The following PIH1D1 variants were observed in gnomAD, a reference collection of about 807,000 sequenced individuals.
PIH1D1 encodes PIH1 domain-containing protein 1.
Under a neutral mutation model 38.5 loss-of-function variants are expected in PIH1D1, and 28 were observed. The ratio of observed to expected loss-of-function variants is 0.73; its 90% CI spans 0.54 to 1.00. The LOEUF is 1.00. Ranked by LOEUF, PIH1D1 falls within the 50% of genes least tolerant of loss-of-function variation. The probability of loss-of-function intolerance (pLI) is 0.00; values close to 1 mark genes in which losing one functional copy is unlikely to be tolerated. For missense variants in PIH1D1, 343 were observed against 369.9 expected, an observed-to-expected ratio of 0.93 and a Z score of 0.60; for synonymous variants, 155 against 153.5, an observed-to-expected ratio of 1.01 and a Z score of -0.07.
At chr19:49,449,307 G>A (rs998576080) in intron 3 of PIH1D1, 168 bp downstream of exon 3, 11 of 743,170 alleles carry the variant, frequency 1.5e-5, no homozygotes, top group African/African-American at 6.9e-5. Flanking sequence ...AGGACTGCCC[G>A]GGTGTGGGAT....
At position 49,451,741 on chromosome 19, in the gene PIH1D1, C is replaced by A. The variant is rs1169982007; in HGVS notation, c.-167G>T. ...GACTACATTTCCATTCAAGACCGAA[C>A]ACCATCGTCAAATCCGTGGGGAATA... On this transcript the variant is annotated 5_prime_UTR_variant, in exon 1 of 9. Transcript: ENST00000262265. 3.5e-6 allele frequency: 5 copies of A among 1,423,466 alleles called. No homozygotes were observed. The highest frequency in any genetic ancestry group is 4.6e-6 in the Non-Finnish European group (5 of 1,089,098). 88.2% of individuals were successfully genotyped at this position (1,423,466 alleles called of 1,614,324 possible). A position where few individuals can be genotyped will look rare whatever the true frequency, so the allele number is the denominator to read the frequency against.
Position 49,451,800 on chromosome 19 carries a change from T to A in PIH1D1, c.-226A>T. 1 of 1,322,966 alleles carries A rather than the reference T, an allele frequency of 7.6e-7. No individual in the cohort carries two copies. 82.0% of individuals were successfully genotyped at this position (1,322,966 alleles called of 1,614,324 possible). A position where few individuals can be genotyped will look rare whatever the true frequency, so the allele number is the denominator to read the frequency against. ...TAGACGCACTACCCTCCGTCCTACG[T>A]GCCGAACTGTAAACGAAGCCACACT... On this transcript the variant is annotated 5_prime_UTR_variant, in exon 1 of 9. Transcript: ENST00000262265.
Position 49,448,171 on chromosome 19 carries a change from G to A in PIH1D1, c.338-109C>T, listed in dbSNP as rs563925581. 125 of 1,126,118 alleles carry A rather than the reference G, an allele frequency of 1.1e-4. No homozygotes were observed. The African/African-American group carries it at 1.9e-3, about 17-fold the overall frequency. 69.8% of individuals were successfully genotyped at this position (1,126,118 alleles called of 1,614,324 possible). A position where few individuals can be genotyped will look rare whatever the true frequency, so the allele number is the denominator to read the frequency against. ...AGGGACAGCGGCCGTAAGAAGCAGA[G>A]AGAGACATAAGGAAGTGAGAGCTGG... is the stretch of plus-strand genomic sequence containing the variant. On this transcript the variant is annotated intron_variant, in intron 3 of 8. Transcript: ENST00000262265.
At chr19:49,448,155 G>A (rs1218497218) in intron 3 of PIH1D1, 93 bp from the exon 4 acceptor site, 13 of 1,277,670 alleles carry the variant, frequency 1.0e-5, no homozygotes, top group East Asian at 2.4e-5. Flanking sequence ...CAGGGACAGC[G>A]GCCGTAAGAA....
intron 3 of PIH1D1, 57 bp downstream of exon 3, chr19:49,449,418 T>G (rs1470666970): frequency 6.5e-7 from 1 of 1,547,854 alleles, no homozygotes; most frequent in South Asian, 1.1e-5. Flanking sequence ...GATTCTTGGG[T>G]TCTAGGGAAG....
At chr19:49,451,359 C>T in intron 1 of PIH1D1, 126 bp downstream of exon 1, 2 of 1,354,514 alleles carry the variant, frequency 1.5e-6, no homozygotes, top group South Asian at 2.6e-5. Context: ...AAACTTGAAG[C>T]CCATTAACCT....
intron 3 of PIH1D1, chr19:49,448,503 G>A (rs910026146): frequency 2.2e-5 from 5 of 228,150 alleles, no homozygotes; most frequent in South Asian, 5.7e-5. Flanking sequence ...GCTCTGGGCC[G>A]CTCTACCTAG....
intron 8 of PIH1D1, 50 bp downstream of exon 8, chr19:49,446,501 G>A: frequency 6.3e-7 from 1 of 1,596,602 alleles, no homozygotes; most frequent in Non-Finnish European, 8.6e-7. Flanking sequence ...GGGAGACAGA[G>A]TCCAGGCCCC....
chr19:49,447,381 G>A lies in PIH1D1; in HGVS notation c.568C>T (p.Leu190=). 6.2e-7 allele frequency: 1 copy of A among 1,613,842 alleles called. No individual in the cohort carries two copies. Residue 190 remains leucine (L), a synonymous_variant, in exon 6 of 9, where the codon CTG becomes TTG. Coordinates refer to ENST00000262265, the MANE Select transcript of PIH1D1 (RefSeq NM_017916.3). ...GGGGCGGGCGTGTACAGGTCCCCCA[G>A]CTCCTGGATCCGAGGACGCTGCTCC... The part of the protein sequence containing the change: ...RSEQRPRIQE[L]GDLYTPAPGR...
At chr19:49,448,717 T>A (rs1331489529) in intron 3 of PIH1D1, 1 of 163,322 alleles carries the variant, frequency 6.1e-6, no homozygotes, top group Non-Finnish European at 1.3e-5. Context: ...TGACAGCGAG[T>A]TTCTGGAACG....
At position 49,447,420 on chromosome 19, in the gene PIH1D1, G is replaced by C; in HGVS notation, c.529C>G (p.Gln177Glu). The change falls in exon 6 of 9, where the codon CAG becomes GAG. Residue 177 changes from glutamine (Q) to glutamate (E), a missense_variant. Gln to Glu is a conservative substitution (Grantham distance 29, BLOSUM62 2). Coordinates refer to ENST00000262265, the MANE Select transcript of PIH1D1 (RefSeq NM_017916.3). The part of the protein sequence containing the change: ...NRPFMGSISQ[Q>E]NIRSEQRPRI... ...GGACGCTGCTCCGAGCGGATGTTCTGCTGCGAGATGGAGCCCATGAATGGC... is the reference window on the plus strand; with the variant it reads ...GGACGCTGCTCCGAGCGGATGTTCTCCTGCGAGATGGAGCCCATGAATGGC... 6.2e-6 allele frequency: 10 copies of C among 1,612,718 alleles called. No individual in the cohort carries two copies. Among genetic ancestry groups the C allele is most frequent in the Non-Finnish European group, 8.5e-6 (10 of 1,179,964 alleles).
intron 2 of PIH1D1, 91 bp downstream of exon 2, chr19:49,450,691 C>CCCCCCCCTCTTTT: frequency 2.8e-6 from 2 of 718,202 alleles, no homozygotes; most frequent in Non-Finnish European, 2.2e-6. Flanking sequence ...CACCCCCACC[C>CCCCCCCCTCTTTT]TAGGCCTTTA....
In PIH1D1 at chr19:49,446,394, C is replaced by T. The variant is rs755097506; in HGVS notation, c.861G>A (p.Pro287=). Residue 287 remains proline, a synonymous_variant, in exon 9 of 9, where the codon CCG becomes CCA. Coordinates refer to ENST00000262265, the MANE Select transcript of PIH1D1 (RefSeq NM_017916.3). ...KQLMVAMPLL[P]VPS Reference sequence around the variant, plus strand: ...GGAGACACCCTGATCAAGAAGGCACCGGCAGAAGCGGCATGGCCACCATTA... The same window carrying T: ...GGAGACACCCTGATCAAGAAGGCACTGGCAGAAGCGGCATGGCCACCATTA... 5 of 847,364 alleles carry T rather than the reference C, an allele frequency of 5.9e-6. No homozygotes were observed. Among genetic ancestry groups the T allele is most frequent in the East Asian group, 2.4e-5 (1 of 41,536 alleles). The allele number at this position is 847,364 out of a possible 1,614,324, so 52.5% of individuals were successfully genotyped here.
intron 2 of PIH1D1, 37 bp from the exon 3 acceptor site, chr19:49,449,691 G>A: frequency 6.4e-7 from 1 of 1,559,086 alleles, no homozygotes; most frequent in Non-Finnish European, 8.8e-7. Flanking sequence ...ATCCTTTTCT[G>A]CACAAGTCCC....
Position 49,451,325 on chromosome 19 carries a change from G to A in PIH1D1, c.90+160C>T, listed in dbSNP as rs111245254. 271 of 1,029,000 alleles carry A rather than the reference G, an allele frequency of 2.6e-4. 1 individual carries two copies. The African/African-American group carries it at 3.2e-3, about 12-fold the overall frequency. The allele number at this position is 1,029,000 out of a possible 1,614,324, so 63.7% of individuals were successfully genotyped here. On this transcript the variant is annotated intron_variant, in intron 1 of 8. Coordinates refer to ENST00000262265, the MANE Select transcript of PIH1D1 (RefSeq NM_017916.3). ...ATTACAGGTGTGAGCCACCGCGCCC[G>A]GCCCCCCACTCCCATTTCTTAGCAA...
At chr19:49,449,046 G>A (rs1601001982) in intron 3 of PIH1D1, 2 of 331,320 alleles carry the variant, frequency 6.0e-6, no homozygotes, top group African/African-American at 2.2e-5. Flanking sequence ...ACAAAAATTA[G>A]CTGGGTGTGG....
chr19:49,451,378 CG>C, intron 1 of PIH1D1, 106 bp downstream of exon 1: 1 of 1,509,206 alleles, frequency 6.6e-7, no homozygotes, highest in Non-Finnish European at 9.1e-7. Context: ...CTCAATTCCC[CG>C]AGGCCTGGTT....
chr19:49,449,712 C>T, intron 2 of PIH1D1, 58 bp from the exon 3 acceptor site: 2 of 1,419,928 alleles, frequency 1.4e-6, no homozygotes, highest in Middle Eastern at 1.8e-4. Context: ...AGTCCCCATC[C>T]ATTGTCTCCA....
chr19:49,451,099 G>A (rs6509432), intron 1 of PIH1D1, among the ~76,000 whole-genome samples: 102,779 of 146,448 alleles, frequency 0.7, 36,621 homozygotes, highest in Middle Eastern at 0.83. Context: ...CCGAGGTCTC[G>A]GCTCATTGCA....
Sources: allele counts gnomAD v4.1 joint callset (sites outside exome capture counted in the v4.1 genomes callset), GRCh38; gene constraint gnomAD v4.1.1; transcripts MANE v1.5; gene names NCBI Gene and HGNC (gene_info 2026-07-23, HGNC 2026-07-21).